Variants in TAF1C observed in about 807,000 individuals in gnomAD.
TAF1C encodes TATA-box binding protein associated factor, RNA polymerase I subunit C, also known as TATA box-binding protein-associated factor RNA polymerase I subunit C.
In TAF1C, 79 loss-of-function variants were observed where a neutral mutation model predicts 70.5. That is an observed-to-expected ratio of 1.12 (90% CI 0.93 to 1.35). The LOEUF is 1.35. Ranked by LOEUF, TAF1C falls within the 40% of genes most tolerant of loss-of-function variation. The pLI is 0.00. For missense variants in TAF1C, 1,412 were observed against 1,127.8 expected (o/e 1.25, Z -3.61); for synonymous variants, 614 against 491.1 (o/e 1.25, Z -3.31).
intron 1 of TAF1C, among the ~76,000 whole-genome samples, chr16:84,186,014 A>G (rs1394338963): frequency 1.3e-5 from 2 of 152,254 alleles, no homozygotes; most frequent in Non-Finnish European, 2.9e-5. Flanking sequence ...CAAAAATAAC[A>G]GCAGCGCTCG....
At chr16:84,181,264 C>A (rs1157242960) in intron 11 of TAF1C, 64 bp downstream of exon 11, 2 of 1,605,118 alleles carry the variant, frequency 1.2e-6, no homozygotes, top group Non-Finnish European at 1.7e-6. Flanking sequence ...CGCAGCCAGC[C>A]TGGGACTCAC....
Position 84,181,050 on chromosome 16 carries a change from C to T in TAF1C, c.1301G>A (p.Cys434Tyr), listed in dbSNP as rs755093444. Residue 434 changes from cysteine to tyrosine, a missense_variant, in exon 12 of 15, where the codon TGT becomes TAT. Transcript: ENST00000566732. ...GTGTTGTGTGCCACTCACCTGGGTACAGACGAGATGAAGAGTAGGGGGGAG... is the reference window on the plus strand; with the variant it reads ...GTGTTGTGTGCCACTCACCTGGGTATAGACGAGATGAAGAGTAGGGGGGAG... ...KCLPPTLHLV[C>Y]TQFSLYLVDE... 1.1e-5 allele frequency: 18 copies of T among 1,608,574 alleles called. No individual in the cohort carries two copies. The highest frequency in any genetic ancestry group is 1.4e-5 in the Non-Finnish European group (17 of 1,175,758).
rs1292516790 is a variant in TAF1C, at chr16:84,182,982, G to A, written c.482+94C>T. 27 of 1,271,942 alleles carry A rather than the reference G, an allele frequency of 2.1e-5. No individual in the cohort carries two copies. Among genetic ancestry groups the A allele is most frequent in the Non-Finnish European group, 3.0e-5 (26 of 874,374 alleles). 78.8% of individuals were successfully genotyped at this position (1,271,942 alleles called of 1,614,324 possible). A position where few individuals can be genotyped will look rare whatever the true frequency, so the allele number is the denominator to read the frequency against. On this transcript the variant is annotated intron_variant, in intron 6 of 14. Transcript: ENST00000566732. This position sits in a 1 kb window ranked among gnomAD's most constrained non-coding sequence, Gnocchi z 5.0. ...ACTGCATGGAGCAGGGGGGAAGTGGGTATGACGGAAAGCTGTACGTGCGTC... is the reference window on the plus strand; with the variant it reads ...ACTGCATGGAGCAGGGGGGAAGTGGATATGACGGAAAGCTGTACGTGCGTC...
At chr16:84,180,703 G>T in intron 12 of TAF1C, 1 of 925,834 alleles carries the variant, frequency 1.1e-6, no homozygotes, top group Non-Finnish European at 1.5e-6. Flanking sequence ...CGGGAGGGCG[G>T]GTGGAGGACA....
Position 84,179,860 on chromosome 16 carries a change from G to A in TAF1C, c.1622-9C>T, listed in dbSNP as rs781319630. 1.1e-5 allele frequency: 18 copies of A among 1,607,288 alleles called. No individual in the cohort carries two copies. The highest frequency in any genetic ancestry group is 3.3e-4 in the Middle Eastern group (2 of 6,060). ...GACGACGGCAGCCAGACCTGGTGAC[G>A]GGAATGACAATGACCTCCAGGGCCT... On this transcript the variant is annotated splice_polypyrimidine_tract_variant and intron_variant, in intron 14 of 14. Coordinates refer to ENST00000566732, the MANE Select transcript of TAF1C (RefSeq NM_001243156.2).
Position 84,180,440 on chromosome 16 carries a change from A to G in TAF1C, c.1309-96T>C, listed in dbSNP as rs1209275613. ...CATGTGGCTCTCCAGGTGAGTGCAG[A>G]GCCCTGAGGGGCAGCAGCATCTCCC... is the stretch of plus-strand genomic sequence containing the variant. On this transcript the variant is annotated intron_variant, in intron 12 of 14. Coordinates refer to ENST00000566732, the MANE Select transcript of TAF1C (RefSeq NM_001243156.2). 7 of 1,277,148 alleles carry G rather than the reference A, an allele frequency of 5.5e-6. No individual in the cohort carries two copies. The African/African-American group carries it at 9.2e-5, about 17-fold the overall frequency. The allele number at this position is 1,277,148 out of a possible 1,614,324, so 79.1% of individuals were successfully genotyped here.
chr16:84,178,926 G>A lies in TAF1C; in HGVS notation c.*15C>T. The A allele has an allele frequency of 1.3e-6, 2 of 1,572,552 alleles. No homozygotes were observed. The highest frequency in any genetic ancestry group is 1.8e-5 in the Admixed American group (1 of 54,676). The stretch of plus-strand genomic sequence containing the variant: ...AGGGGCTCTCTGGGGCTTGAGGGCA[G>A]CCCACCTTGTGTCCTCAGAAGCCCA... On this transcript the variant is annotated 3_prime_UTR_variant, in exon 15 of 15. Coordinates refer to ENST00000566732, the MANE Select transcript of TAF1C (RefSeq NM_001243156.2).
At chr16:84,184,624 C>A (rs1184054851) in intron 2 of TAF1C, among the ~76,000 whole-genome samples, 2 of 152,222 alleles carry the variant, frequency 1.3e-5, no homozygotes, top group Non-Finnish European at 2.9e-5. Context: ...CCGACTGATT[C>A]AGGCAGCATT....
Position 84,179,484 on chromosome 16 carries a change from C to T in TAF1C, c.1989G>A (p.Gly663=), listed in dbSNP as rs1432609000. ...CCAGGTCTCTCTGCAGCAGGAGCTG[C>T]CCTCGGGCCATGGCCTTGCGGAGCA... ...LGVLRKAMAR[G]QLLLQRDLGS... Residue 663 remains glycine, a synonymous_variant, in exon 15 of 15, where the codon GGG becomes GGA. Transcript: ENST00000566732. 2 of 1,599,100 alleles carry T rather than the reference C, an allele frequency of 1.3e-6. No homozygotes were observed. Among genetic ancestry groups the T allele is most frequent in the East Asian group, 2.2e-5 (1 of 44,724 alleles).
rs749867188 is a variant in TAF1C, at chr16:84,181,735, A to AC, written c.956+10dup. 4 of 1,612,778 alleles carry AC rather than the reference A, an allele frequency of 2.5e-6. No homozygotes were observed. Among genetic ancestry groups the AC allele is most frequent in the Non-Finnish European group, 3.4e-6 (4 of 1,179,526 alleles). On this transcript the variant is annotated intron_variant, in intron 9 of 14. Transcript: ENST00000566732. ...CAGCCCCTCCTCACCGACCAACCTG[A>AC]CCCCCCTCACCTGAGGCTGATCCCC...
chr16:84,180,780 A>C, intron 12 of TAF1C: 2 of 1,321,794 alleles, frequency 1.5e-6, no homozygotes, highest in Non-Finnish European at 9.7e-7. Context: ...CGGAAGCCCC[A>C]CCCCGAGGCC....
chr16:84,180,169 C>A lies in TAF1C; in HGVS notation c.1483+1G>T. 6.4e-7 allele frequency: 1 copy of A among 1,555,908 alleles called. No individual in the cohort carries two copies. On this transcript the variant is annotated splice_donor_variant, in intron 13 of 14. Coordinates refer to ENST00000566732, the MANE Select transcript of TAF1C (RefSeq NM_001243156.2). LOFTEE classifies it high-confidence loss of function. The stretch of plus-strand genomic sequence containing the variant: ...CCGCCCACCCTGGCCTGGACCCTCA[C>A]CTGCCAGGTGCAGCAGCTGCAGCTG...
At position 84,179,469 on chromosome 16, in the gene TAF1C, C is replaced by T. The variant is rs754970030; in HGVS notation, c.2004G>A (p.Gln668=). The change falls in exon 15 of 15, where the codon CAG becomes CAA. Residue 668 remains glutamine (Q), a synonymous_variant. Coordinates refer to ENST00000566732, the MANE Select transcript of TAF1C (RefSeq NM_001243156.2). ...CCGCAGGGAGGGAGCCCAGGTCTCT[C>T]TGCAGCAGGAGCTGCCCTCGGGCCA... ...KAMARGQLLL[Q]RDLGSLPAAE... The T allele has an allele frequency of 6.3e-7, 1 of 1,597,712 alleles. No homozygotes were observed. Among genetic ancestry groups the T allele is most frequent in the African/African-American group, 1.3e-5 (1 of 74,800 alleles).
chr16:84,180,673 G>A, intron 12 of TAF1C: 1 of 764,056 alleles, frequency 1.3e-6, no homozygotes, highest in South Asian at 2.4e-5. Flanking sequence ...CTGTGCTCGA[G>A]GCACGCCTAC....
At position 84,180,194 on chromosome 16, in the gene TAF1C, G is replaced by A; in HGVS notation, c.1459C>T (p.Gln487Ter). 1 of 1,542,048 alleles carries A rather than the reference G, an allele frequency of 6.5e-7. No individual in the cohort carries two copies. The highest frequency in any genetic ancestry group is 8.7e-7 in the Non-Finnish European group (1 of 1,152,450). ...QPLLLGGQGG[Q>*]LQLLHLAGEG... ...CCTGCCAGGTGCAGCAGCTGCAGCT[G>A]CCCACCCTGGCCTCCGAGGAGCAGG... Residue 487 changes from glutamine (Q) to a stop codon, truncating the protein, a stop_gained, in exon 13 of 15, where the codon CAG (glutamine) becomes TAG (stop). Transcript: ENST00000566732. LOFTEE classifies it high-confidence loss of function.
In TAF1C at chr16:84,179,207, G is replaced by C. The variant is rs373509211; in HGVS notation, c.2266C>G (p.Pro756Ala). 4.4e-4 allele frequency: 704 copies of C among 1,586,992 alleles called. No individual in the cohort carries two copies. Among genetic ancestry groups the C allele is most frequent in the Non-Finnish European group, 5.8e-4 (675 of 1,172,780 alleles). ...GGGGGCAGGGGCAGAGCATCAGCAG[G>C]TGGCCACTCAGGGCTATGAGGGGAG... ...TSSPHSPEWP[P>A]ADALPLPPTT... is the part of the protein sequence containing the mutation. Residue 756 changes from proline to alanine, a missense_variant, in exon 15 of 15, where the codon CCT (proline) becomes GCT (alanine). Pro to Ala is a conservative substitution (Grantham distance 27). Coordinates refer to ENST00000566732, the MANE Select transcript of TAF1C (RefSeq NM_001243156.2).
Position 84,179,019 on chromosome 16 carries a change from C to T in TAF1C, c.2454G>A (p.Arg818=). ...GTGTGTGCTGCTGGGAGCGAGTGGC[C>T]CGGACGCTGGAGGCCTGGGAGTGGG... ...TPPHSQASSV[R]ATRSQQHTPV... The change falls in exon 15 of 15, where the codon CGG becomes CGA. Residue 818 remains arginine, a synonymous_variant. Coordinates refer to ENST00000566732, the MANE Select transcript of TAF1C (RefSeq NM_001243156.2). 1 of 1,610,762 alleles carries T rather than the reference C, an allele frequency of 6.2e-7. No homozygotes were observed. Among genetic ancestry groups the T allele is most frequent in the Non-Finnish European group, 8.5e-7 (1 of 1,179,966 alleles).
rs753732445 is a variant in TAF1C at position 84,182,392 on chromosome 16, G to A, written c.531C>T (p.Leu177=). ...LSNRQRRFSI[L]GGPILGTSVA... is the part of the protein sequence containing the mutation. Reference sequence around the variant, plus strand: ...CCGACGTGCCCAGGATGGGGCCCCCGAGGATAGAGAAGCGGCGCTGTCGGT... The same window carrying A: ...CCGACGTGCCCAGGATGGGGCCCCCAAGGATAGAGAAGCGGCGCTGTCGGT... Residue 177 remains leucine, a synonymous_variant, in exon 7 of 15, where the codon CTC becomes CTT. Transcript: ENST00000566732. This position sits in a 1 kb window ranked among gnomAD's most constrained non-coding sequence, Gnocchi z 5.0. 3.8e-5 allele frequency: 61 copies of A among 1,606,336 alleles called. 3 individuals are homozygous for A. Among genetic ancestry groups the A allele is most frequent in the South Asian group, 3.2e-4 (29 of 90,392 alleles).
chr16:84,179,408 C>T lies in TAF1C; in HGVS notation c.2065G>A (p.Asp689Asn), dbSNP rs1405543798. 1.9e-6 allele frequency: 3 copies of T among 1,597,834 alleles called. No individual in the cohort carries two copies. Among genetic ancestry groups the T allele is most frequent in the Middle Eastern group, 1.7e-4 (1 of 6,048 alleles). Residue 689 changes from aspartate to asparagine, a missense_variant, in exon 15 of 15, where the codon GAC becomes AAC. Coordinates refer to ENST00000566732, the MANE Select transcript of TAF1C (RefSeq NM_001243156.2). ...PPPAPESGLE[D>N]KLSERLGEAW... is the part of the protein sequence containing the mutation. ...TCCCCCAGGCGCTCACTGAGCTTGT[C>T]CTCTAGGCCTGACTCGGGTGCAGGG...
Sources: gnomAD v4.1 joint callset for allele counts (sites outside exome capture counted in the v4.1 genomes callset) on GRCh38, gnomAD v4.1.1 for gene constraint, Gnocchi (gnomAD v3.1) non-coding constraint, MANE v1.5 for transcripts, NCBI Gene and HGNC (gene_info 2026-07-23, HGNC 2026-07-21) for gene names.